Variants in SUPT20H observed in about 807,000 individuals in gnomAD.
SUPT20H encodes SPT20 homolog, SAGA complex component, also known as transcription factor SPT20 homolog.
Under a neutral mutation model 122.8 loss-of-function variants are expected in SUPT20H, and 82 were observed. The observed-to-expected ratio is 0.67, with a 90% CI of 0.56 to 0.80. The LOEUF (loss-of-function observed/expected upper bound fraction) is 0.80. Among genes scored for constraint, SUPT20H ranks in the 30% least tolerant of loss-of-function variants. SUPT20H has a pLI of 0.00. For missense variants in SUPT20H, 831 were observed against 921.6 expected, an observed-to-expected ratio of 0.90 and a Z score of 1.27; for synonymous variants, 291 against 313.0, an observed-to-expected ratio of 0.93 and a Z score of 0.74.
intron 7 of SUPT20H, among the ~76,000 whole-genome samples, chr13:37,041,664 G>C (rs2065497367): frequency 6.6e-6 from 1 of 152,052 alleles, no homozygotes; most frequent in African/African-American, 2.4e-5. Context: ...TGGGTACTGT[G>C]GTCTCCATGT....
intron 25 of SUPT20H, among the ~76,000 whole-genome samples, chr13:37,010,125 C>A (rs1335795075): frequency 1.3e-5 from 2 of 152,130 alleles, no homozygotes; most frequent in Non-Finnish European, 2.9e-5. Context: ...TATAAAACAA[C>A]CCTGAATATC....
At chr13:37,049,569 A>C (rs1286408423) in intron 2 of SUPT20H, among the ~76,000 whole-genome samples, 12 of 152,032 alleles carry the variant, frequency 7.9e-5, no homozygotes, top group South Asian at 2.1e-4. Flanking sequence ...GTGAAACCCT[A>C]TCTCTACTAA....
At chr13:37,013,300 T>C (rs2059908651) in intron 23 of SUPT20H, 1 of 152,028 alleles carries the variant, frequency 6.6e-6, no homozygotes, top group Admixed American at 6.6e-5. Context: ...CCCACTCAAA[T>C]AGACCCAACT....
At chr13:37,040,234 CAT>C in intron 9 of SUPT20H, 169 bp downstream of exon 9, 2 of 593,780 alleles carry the variant, frequency 3.4e-6, no homozygotes, top group African/African-American at 1.9e-5. Context: ...GATTACTACA[CAT>C]ATAAAGAGAC....
intron 9 of SUPT20H, among the ~76,000 whole-genome samples, chr13:37,036,769 A>G (rs1467384016): frequency 1.3e-5 from 2 of 152,104 alleles, no homozygotes; most frequent in African/African-American, 4.8e-5. Flanking sequence ...GATGATGAGG[A>G]TGAAGACCTT....
intron 5 of SUPT20H, 56 bp downstream of exon 5, chr13:37,047,479 C>A: frequency 7.3e-7 from 1 of 1,374,986 alleles, no homozygotes; most frequent in South Asian, 1.5e-5. Context: ...GTAACTCCTC[C>A]AAATTCCTCT....
At position 37,009,471 on chromosome 13, in the gene SUPT20H, T is replaced by G. The variant is rs1593715286; in HGVS notation, c.*201A>C. 3.8e-6 allele frequency: 3 copies of G among 779,398 alleles called. No homozygotes were observed. The African/African-American group carries it at 5.3e-5, about 14-fold the overall frequency. 48.3% of individuals were successfully genotyped at this position (779,398 alleles called of 1,614,324 possible). On this transcript the variant is annotated 3_prime_UTR_variant, in exon 26 of 26. Coordinates refer to ENST00000350612, the MANE Select transcript of SUPT20H (RefSeq NM_001014286.3). ...TAGTGAAACCATTTTTAAAAAGCAA[T>G]GACTTAGGCAAACCAACCCTAGTTT...
chr13:37,040,749 G>T (rs970071111), intron 7 of SUPT20H, 57 bp from the exon 8 acceptor site: 1 of 1,336,254 alleles, frequency 7.5e-7, no homozygotes, highest in East Asian at 2.3e-5. Flanking sequence ...TAAATAAGTG[G>T]GTTTATATCA....
intron 16 of SUPT20H, 142 bp downstream of exon 16, chr13:37,026,062 A>T (rs4941856): frequency 7.3e-6 from 4 of 544,504 alleles, no homozygotes; most frequent in Non-Finnish European, 1.3e-5. Flanking sequence ...TACAACAGAG[A>T]CCCATAAATA....
chr13:37,051,330 A>G (rs1164033327), intron 2 of SUPT20H, among the ~76,000 whole-genome samples, 158 bp downstream of exon 2: 9 of 152,182 alleles, frequency 5.9e-5, no homozygotes, highest in Admixed American at 2.6e-4. Flanking sequence ...TACTTTATAG[A>G]GAAGACTTTG....
At chr13:37,047,831 C>A in intron 4 of SUPT20H, 47 bp downstream of exon 4, 3 of 1,519,660 alleles carry the variant, frequency 2.0e-6, no homozygotes, top group Non-Finnish European at 2.7e-6. Context: ...AGGTAGCTAT[C>A]ATCATATTTC....
At chr13:37,050,781 C>T (rs1421939916) in intron 2 of SUPT20H, among the ~76,000 whole-genome samples, 1 of 152,106 alleles carries the variant, frequency 6.6e-6, no homozygotes, top group Non-Finnish European at 1.5e-5. Flanking sequence ...TGTGATACTT[C>T]TACTTTTCTC....
At chr13:37,018,741 C>T (rs1253685932) in intron 22 of SUPT20H, among the ~76,000 whole-genome samples, 3 of 152,104 alleles carry the variant, frequency 2.0e-5, no homozygotes, top group African/African-American at 4.8e-5. Context: ...ACTGCAGCCT[C>T]GACTTCCTGG....
intron 9 of SUPT20H, 39 bp downstream of exon 9, chr13:37,040,366 T>TA (rs1431978659): frequency 6.6e-7 from 1 of 1,523,936 alleles, no homozygotes; most frequent in Non-Finnish European, 8.8e-7. Context: ...TTTCATCCTA[T>TA]ATTTTGCCTG....
chr13:37,058,035 G>A (rs1302748629), intron 1 of SUPT20H, among the ~76,000 whole-genome samples: 3 of 149,878 alleles, frequency 2.0e-5, no homozygotes, highest in Non-Finnish European at 1.5e-5. Flanking sequence ...AGGCAGAAGC[G>A]GGTGGGTCAC....
chr13:37,046,856 C>T (rs1566320730), intron 5 of SUPT20H: 1 of 151,880 alleles, frequency 6.6e-6, no homozygotes, highest in Non-Finnish European at 1.5e-5. Context: ...AATTTTTTTC[C>T]TAATGTAAAG....
Position 37,022,269 on chromosome 13 carries a change from G to A in SUPT20H, c.1592-189C>T, listed in dbSNP as rs1257681616. ...GCTCTGAGCATCAGGAGGGTGTGGG[G>A]TCGATGAAGGGGTTGGTGTAGGAGT... On this transcript the variant is annotated intron_variant, in intron 19 of 25. Coordinates refer to ENST00000350612, the MANE Select transcript of SUPT20H (RefSeq NM_001014286.3). The surrounding 1 kb of genome is among the most constrained non-coding windows in gnomAD (Gnocchi z 4.5). 2 of 1,511,416 alleles carry A rather than the reference G, an allele frequency of 1.3e-6. No individual in the cohort carries two copies. The highest frequency in any genetic ancestry group is 1.7e-4 in the Middle Eastern group (1 of 5,800). 93.6% of individuals were successfully genotyped at this position (1,511,416 alleles called of 1,614,324 possible).
At chr13:37,026,349 G>A (rs1425179673) in intron 15 of SUPT20H, 113 bp from the exon 16 acceptor site, 1 of 762,872 alleles carries the variant, frequency 1.3e-6, no homozygotes, top group African/African-American at 1.8e-5. Flanking sequence ...ATATAAACTG[G>A]TATTAAATCT....
Position 37,045,140 on chromosome 13 carries a change from C to T in SUPT20H, c.292+107G>A, listed in dbSNP as rs181009124. 2.2e-4 allele frequency: 314 copies of T among 1,457,062 alleles called. No homozygotes were observed. The African/African-American group carries it at 4.1e-3, about 19-fold the overall frequency. The allele number at this position is 1,457,062 out of a possible 1,614,324, so 90.3% of individuals were successfully genotyped here. A position where few individuals can be genotyped will look rare whatever the true frequency, so the allele number is the denominator to read the frequency against. On this transcript the variant is annotated intron_variant, in intron 6 of 25. Coordinates refer to ENST00000350612, the MANE Select transcript of SUPT20H (RefSeq NM_001014286.3). ...ATCTGTTTTTATCACTAGGTCATCACTATCTGAAGGACAAATGCTTTAGCA... is the reference window on the plus strand; with the variant it reads ...ATCTGTTTTTATCACTAGGTCATCATTATCTGAAGGACAAATGCTTTAGCA...
Sources: gnomAD v4.1 joint callset for allele counts (sites outside exome capture counted in the v4.1 genomes callset) on GRCh38, gnomAD v4.1.1 for gene constraint, Gnocchi (gnomAD v3.1) non-coding constraint, MANE v1.5 for transcripts, NCBI Gene and HGNC (gene_info 2026-07-23, HGNC 2026-07-21) for gene names.